GABBR2: variants seen among roughly 807,000 people sequenced by gnomAD.
GABBR2 encodes the protein G-protein coupled receptor 51.
In GABBR2, 23 loss-of-function variants were observed where a neutral mutation model predicts 105.6. The observed-to-expected ratio is 0.22, with a 90% CI of 0.16 to 0.31. The LOEUF is 0.31. GABBR2 is among the 10% of genes least tolerant of loss of function. GABBR2 has a pLI of 1.00. For missense variants in GABBR2, 734 were observed against 1,245.5 expected, an observed-to-expected ratio of 0.59 and a Z score of 6.18; for synonymous variants, 478 against 499.7, an observed-to-expected ratio of 0.96 and a Z score of 0.58.
chr9:98,315,803 G>A (rs1051087437), intron 13 of GABBR2, among the ~76,000 whole-genome samples: 5 of 152,226 alleles, frequency 3.3e-5, no homozygotes, highest in African/African-American at 9.6e-5. Flanking sequence ...ACTATAGATC[G>A]GTGGGGCCGG....
chr9:98,649,959 C>G (rs1830082867), intron 1 of GABBR2, among the ~76,000 whole-genome samples: 1 of 152,112 alleles, frequency 6.6e-6, no homozygotes, highest in South Asian at 2.1e-4. Flanking sequence ...ATAAAATATC[C>G]TGAAGTAATT....
chr9:98,700,191 C>T (rs1830812340), intron 1 of GABBR2, among the ~76,000 whole-genome samples: 1 of 152,180 alleles, frequency 6.6e-6, no homozygotes, highest in Admixed American at 6.5e-5. Context: ...CTCTGTATCC[C>T]AGAGCCTAGA....
chr9:98,297,569 T>C (rs1410291858), intron 17 of GABBR2, among the ~76,000 whole-genome samples: 1 of 151,804 alleles, frequency 6.6e-6, no homozygotes, highest in Non-Finnish European at 1.5e-5. Context: ...GCCGAGATCG[T>C]GCCATTGCAC....
At chr9:98,513,084 C>A (rs1407720085) in intron 3 of GABBR2, among the ~76,000 whole-genome samples, 1 of 152,006 alleles carries the variant, frequency 6.6e-6, no homozygotes, top group Non-Finnish European at 1.5e-5. Context: ...CAGAACAGAG[C>A]CCTCAGAAAT....
intron 1 of GABBR2, among the ~76,000 whole-genome samples, chr9:98,649,941 CTA>C (rs1427714169): frequency 6.6e-6 from 1 of 152,190 alleles, no homozygotes; most frequent in Non-Finnish European, 1.5e-5. Context: ...GCATGTACAG[CTA>C]TGTTAATAAA....
intron 1 of GABBR2, among the ~76,000 whole-genome samples, chr9:98,610,279 T>C (rs1430497016): frequency 6.6e-6 from 1 of 152,178 alleles, no homozygotes; most frequent in Non-Finnish European, 1.5e-5. Flanking sequence ...ATAGTGCCTA[T>C]TTCATGAGGT....
At chr9:98,572,282 G>A (rs1480880729) in intron 2 of GABBR2, among the ~76,000 whole-genome samples, 3 of 152,126 alleles carry the variant, frequency 2.0e-5, no homozygotes, top group Non-Finnish European at 4.4e-5. Flanking sequence ...CCAGCAAAAG[G>A]CAAAAGTTAA....
At chr9:98,435,602 C>T (rs1251056218) in intron 7 of GABBR2, among the ~76,000 whole-genome samples, 1 of 152,170 alleles carries the variant, frequency 6.6e-6, no homozygotes, top group East Asian at 1.9e-4. Context: ...AGACACTTTT[C>T]CACTGGTCTT....
intron 13 of GABBR2, among the ~76,000 whole-genome samples, chr9:98,326,991 C>T (rs1368530784): frequency 6.6e-6 from 1 of 152,194 alleles, no homozygotes; most frequent in African/African-American, 2.4e-5. Flanking sequence ...GATTGGAAGG[C>T]CTCGATGAAC....
At chr9:98,302,287 C>T (rs1174787692) in intron 16 of GABBR2, among the ~76,000 whole-genome samples, 1 of 152,152 alleles carries the variant, frequency 6.6e-6, no homozygotes, top group East Asian at 1.9e-4. Context: ...GGCAATCCCT[C>T]ATGTGGACTT....
At chr9:98,415,338 G>T (rs1355236626) in intron 7 of GABBR2, among the ~76,000 whole-genome samples, 1 of 152,082 alleles carries the variant, frequency 6.6e-6, no homozygotes, top group African/African-American at 2.4e-5. Context: ...AATATCATCA[G>T]CAATAAACTA....
At chr9:98,403,497 G>A (rs1174209884) in intron 8 of GABBR2, among the ~76,000 whole-genome samples, 2 of 151,888 alleles carry the variant, frequency 1.3e-5, no homozygotes. Flanking sequence ...TGTGTCCCTG[G>A]GAGACACTAC....
intron 1 of GABBR2, among the ~76,000 whole-genome samples, chr9:98,601,753 G>C (rs1829340461): frequency 6.6e-6 from 1 of 152,144 alleles, no homozygotes; most frequent in Non-Finnish European, 1.5e-5. Flanking sequence ...GCCAGTATGG[G>C]CCAAGGGCTG....
chr9:98,562,496 G>A (rs1050551376), intron 2 of GABBR2, among the ~76,000 whole-genome samples: 1 of 152,180 alleles, frequency 6.6e-6, no homozygotes, highest in African/African-American at 2.4e-5. Flanking sequence ...AATTGTCTTA[G>A]GAGATGCATG....
intron 1 of GABBR2, among the ~76,000 whole-genome samples, chr9:98,604,169 G>A (rs778480196): frequency 6.6e-6 from 1 of 152,130 alleles, no homozygotes; most frequent in Non-Finnish European, 1.5e-5. Context: ...GAATCTCTAG[G>A]GCTGCTCCAT....
intron 6 of GABBR2, among the ~76,000 whole-genome samples, chr9:98,462,001 C>A (rs902875184): frequency 2.6e-5 from 4 of 152,212 alleles, no homozygotes; most frequent in Non-Finnish European, 5.9e-5. Flanking sequence ...CACTTCTCAC[C>A]AGGCCCTACC....
At chr9:98,326,351 T>C (rs934855471) in intron 13 of GABBR2, among the ~76,000 whole-genome samples, 1 of 152,180 alleles carries the variant, frequency 6.6e-6, no homozygotes, top group Non-Finnish European at 1.5e-5. Flanking sequence ...CAGGAAGTAT[T>C]AGACCTAATT....
intron 7 of GABBR2, among the ~76,000 whole-genome samples, chr9:98,444,635 T>TTACTAGCAATTA (rs1344790600): frequency 6.6e-6 from 1 of 151,928 alleles, no homozygotes; most frequent in East Asian, 1.9e-4. Flanking sequence ...ATTATTATTA[T>TTACTAGCAATTA]TATAGTTGTT....
intron 1 of GABBR2, among the ~76,000 whole-genome samples, chr9:98,616,141 T>C (rs539741885): frequency 2.4e-4 from 37 of 152,358 alleles, no homozygotes; most frequent in Non-Finnish European, 2.8e-4. Context: ...TTTCAAGCCA[T>C]GGACCTGCCA....
Sources: allele counts gnomAD v4.1 joint callset (sites outside exome capture counted in the v4.1 genomes callset), GRCh38; gene constraint gnomAD v4.1.1; transcripts MANE v1.5; gene names NCBI Gene and HGNC (gene_info 2026-07-23, HGNC 2026-07-21).